The following WWP2 variants were observed in gnomAD, a reference collection of about 807,000 sequenced individuals.
WWP2 encodes the protein WW domain containing E3 ubiquitin protein ligase 2.
WWP2 carries 57 observed loss-of-function variants against 121.0 expected under a neutral mutation model. That is an observed-to-expected ratio of 0.47 (90% CI 0.38 to 0.59). WWP2 has a LOEUF of 0.59. WWP2 is among the 20% of genes least tolerant of loss of function. The pLI is 0.00. For synonymous variants in WWP2, 449 were observed against 441.3 expected (o/e 1.02, Z -0.22); for missense variants, 962 against 1,158.9 (o/e 0.83, Z 2.47).
intron 9 of WWP2, among the ~76,000 whole-genome samples, chr16:69,915,585 A>G (rs1413749643): frequency 6.6e-6 from 1 of 152,168 alleles, no homozygotes; most frequent in Non-Finnish European, 1.5e-5. Context: ...TGAAATAGAC[A>G]TGTTATTTAG....
intron 7 of WWP2, among the ~76,000 whole-genome samples, chr16:69,885,293 G>T (rs1597108170): frequency 1.3e-5 from 2 of 152,258 alleles, no homozygotes; most frequent in African/African-American, 4.8e-5. Context: ...ATTGCCATCT[G>T]TTGTGTTTTA....
intron 10 of WWP2, among the ~76,000 whole-genome samples, chr16:69,923,455 G>A (rs1005103566): frequency 6.6e-6 from 1 of 152,128 alleles, no homozygotes; most frequent in Admixed American, 6.5e-5. Flanking sequence ...GAAAAGGGCT[G>A]ATCAGTATTT....
intron 6 of WWP2, among the ~76,000 whole-genome samples, chr16:69,847,067 G>C (rs955853467): frequency 7.3e-5 from 11 of 150,366 alleles, no homozygotes; most frequent in Non-Finnish European, 3.0e-5. Flanking sequence ...CTGCTGCCAG[G>C]CTCTTTTTAT....
chr16:69,899,215 T>C (rs2058157549), intron 8 of WWP2, among the ~76,000 whole-genome samples: 1 of 152,160 alleles, frequency 6.6e-6, no homozygotes, highest in Non-Finnish European at 1.5e-5. Context: ...CTAAGTTACA[T>C]AAAAATGTTA....
intron 6 of WWP2, among the ~76,000 whole-genome samples, chr16:69,868,661 GCACACACA>G (rs57674223): frequency 0.5 from 74,908 of 149,220 alleles, 19,130 homozygotes; most frequent in East Asian, 0.89. Flanking sequence ...ATACACATGT[GCACACACA>G]CACACACACA....
intron 6 of WWP2, among the ~76,000 whole-genome samples, chr16:69,861,314 G>A (rs766596026): frequency 7.2e-5 from 11 of 152,106 alleles, no homozygotes; most frequent in Non-Finnish European, 1.0e-4. Context: ...CCCAACATAC[G>A]GCCTGGAAGT....
At chr16:69,841,795 G>T (rs149299936) in intron 5 of WWP2, among the ~76,000 whole-genome samples, 1 of 152,156 alleles carries the variant, frequency 6.6e-6, no homozygotes, top group African/African-American at 2.4e-5. Flanking sequence ...TCTTGGAGAA[G>T]AGAAGCTGTT....
At chr16:69,917,681 A>T (rs201266641) in intron 9 of WWP2, 28 bp from the exon 10 acceptor site, 2 of 1,592,992 alleles carry the variant, frequency 1.3e-6, no homozygotes, top group Admixed American at 3.3e-5. Flanking sequence ...GGTGGTCATT[A>T]TATTCATTCT....
intron 4 of WWP2, among the ~76,000 whole-genome samples, chr16:69,816,185 G>T (rs2056486297): frequency 6.6e-6 from 1 of 151,950 alleles, no homozygotes; most frequent in African/African-American, 2.4e-5. Flanking sequence ...ACTAGATTCT[G>T]AGAGTTTTTC....
At chr16:69,813,891 T>C (rs144473170) in intron 4 of WWP2, among the ~76,000 whole-genome samples, 7 of 152,288 alleles carry the variant, frequency 4.6e-5, no homozygotes, top group African/African-American at 7.2e-5. Context: ...TAATCCAATA[T>C]AGGTAAAATT....
intron 1 of WWP2, among the ~76,000 whole-genome samples, chr16:69,778,072 A>AATATATAT (rs138021233): frequency 0.027 from 3,733 of 137,256 alleles, 129 homozygotes; most frequent in Admixed American, 0.11. Flanking sequence ...CCCTGTCTCA[A>AATATATAT]ATATATATAT....
intron 8 of WWP2, among the ~76,000 whole-genome samples, chr16:69,907,052 T>TACAAGAGA (rs2058305938): frequency 6.6e-6 from 1 of 152,216 alleles, no homozygotes; most frequent in South Asian, 2.1e-4. Flanking sequence ...AACACTACAG[T>TACAAGAGA]AAATATGGCA....
At chr16:69,849,769 C>G (rs2057166462) in intron 6 of WWP2, among the ~76,000 whole-genome samples, 1 of 151,886 alleles carries the variant, frequency 6.6e-6, no homozygotes, top group African/African-American at 2.4e-5. Context: ...GATCGTGCCA[C>G]TGCACTCCAG....
intron 4 of WWP2, among the ~76,000 whole-genome samples, chr16:69,824,639 A>G (rs1478683353): frequency 6.6e-6 from 1 of 151,346 alleles, no homozygotes; most frequent in East Asian, 1.9e-4. Flanking sequence ...TCTTGGAGGG[A>G]GGAATCCCCA....
At chr16:69,933,688 G>A (rs1024402099) in intron 16 of WWP2, among the ~76,000 whole-genome samples, 4 of 152,156 alleles carry the variant, frequency 2.6e-5, no homozygotes, top group African/African-American at 9.7e-5. Flanking sequence ...ATATTGTGAT[G>A]TAAAGTCTTG....
chr16:69,887,661 C>T (rs1276978529), intron 7 of WWP2, among the ~76,000 whole-genome samples: 1 of 152,170 alleles, frequency 6.6e-6, no homozygotes, highest in East Asian at 1.9e-4. Flanking sequence ...CTGCCTCAGC[C>T]TCCCAAAGTG....
chr16:69,792,743 G>T (rs1437694143), intron 2 of WWP2, among the ~76,000 whole-genome samples: 1 of 152,160 alleles, frequency 6.6e-6, no homozygotes, highest in Non-Finnish European at 1.5e-5. Flanking sequence ...CTAGGCTAGA[G>T]TGCAGTGGCA....
intron 1 of WWP2, among the ~76,000 whole-genome samples, chr16:69,774,477 G>A (rs531358985): frequency 2.0e-5 from 3 of 152,174 alleles, no homozygotes; most frequent in Non-Finnish European, 2.9e-5. Context: ...GGCTGGTCTC[G>A]AACTCCTGGA....
chr16:69,774,264 A>AT (rs375644118), intron 1 of WWP2, among the ~76,000 whole-genome samples: 90 of 149,248 alleles, frequency 6.0e-4, no homozygotes, highest in African/African-American at 1.5e-3. Flanking sequence ...CCTCAACAGC[A>AT]TTTTTTTTTT....
Sources: gnomAD v4.1 joint callset for allele counts (sites outside exome capture counted in the v4.1 genomes callset) on GRCh38, gnomAD v4.1.1 for gene constraint, MANE v1.5 for transcripts, NCBI Gene and HGNC (gene_info 2026-07-23, HGNC 2026-07-21) for gene names.